XKR9: variants seen among roughly 807,000 people sequenced by gnomAD.
XKR9 encodes the protein XK related 9.
XKR9 carries 32 observed loss-of-function variants against 32.0 expected under a neutral mutation model. That is an observed-to-expected ratio of 1.00 (90% CI 0.76 to 1.34). The LOEUF (loss-of-function observed/expected upper bound fraction) is 1.34, where lower values mean the gene tolerates loss of function less well. XKR9 is among the 40% of genes most tolerant of loss of function. The probability of loss-of-function intolerance (pLI) is 0.00; values close to 1 mark genes in which losing one functional copy is unlikely to be tolerated. For synonymous variants in XKR9, 168 were observed against 143.4 expected (o/e 1.17, Z -1.22); for missense variants, 546 against 429.7 (o/e 1.27, Z -2.39).
intron 2 of XKR9, among the ~76,000 whole-genome samples, chr8:70,766,038 G>A (rs1403104948): frequency 6.6e-6 from 1 of 152,176 alleles, no homozygotes; most frequent in African/African-American, 2.4e-5. Context: ...CAGGTAGTGT[G>A]ATGCCTCCAG....
At chr8:70,759,213 A>G (rs1807271607) in intron 2 of XKR9, among the ~76,000 whole-genome samples, 1 of 152,210 alleles carries the variant, frequency 6.6e-6, no homozygotes, top group African/African-American at 2.4e-5. Flanking sequence ...GTAGAAAAGA[A>G]TGCAAGCTTT....
the XKR9 span, among the ~76,000 whole-genome samples, chr8:70,937,104 A>G: frequency 9.9e-5 from 15 of 151,866 alleles, no homozygotes; most frequent in African/African-American, 3.6e-4. Context: ...GCACACATAC[A>G]CACACCCCAC....
chr8:70,895,121 G>A, the XKR9 span, among the ~76,000 whole-genome samples: 1 of 152,114 alleles, frequency 6.6e-6, no homozygotes, highest in Non-Finnish European at 1.5e-5. Flanking sequence ...TTCTCTAGGT[G>A]TCCAATGTGT....
At chr8:70,714,843 T>C (rs926231982) in intron 4 of XKR9, among the ~76,000 whole-genome samples, 5 of 152,176 alleles carry the variant, frequency 3.3e-5, no homozygotes, top group Admixed American at 2.6e-4. Context: ...TGAAAATCTC[T>C]GAATTAATAA....
At chr8:70,956,857 G>A in the XKR9 span, among the ~76,000 whole-genome samples, 4 of 152,200 alleles carry the variant, frequency 2.6e-5, no homozygotes, top group African/African-American at 7.2e-5. Context: ...TGCAGGGTCA[G>A]GGGGCTTCTA....
At chr8:70,688,786 A>G (rs1819407193) in intron 3 of XKR9, among the ~76,000 whole-genome samples, 1 of 152,034 alleles carries the variant, frequency 6.6e-6, no homozygotes, top group Non-Finnish European at 1.5e-5. Flanking sequence ...TGAAAACAGT[A>G]AAAACTTTGT....
the XKR9 span, among the ~76,000 whole-genome samples, chr8:70,886,980 A>T: frequency 6.6e-6 from 1 of 152,034 alleles, no homozygotes; most frequent in Non-Finnish European, 1.5e-5. Flanking sequence ...TTCTTTACCT[A>T]GTCAGCTCTC....
the XKR9 span, among the ~76,000 whole-genome samples, chr8:71,065,498 T>C: frequency 6.6e-6 from 1 of 152,230 alleles, no homozygotes. Context: ...ATGTGTTGTT[T>C]AAGCCACCCA....
At chr8:70,768,084 T>C (rs1443070651) in intron 2 of XKR9, among the ~76,000 whole-genome samples, 2 of 152,228 alleles carry the variant, frequency 1.3e-5, no homozygotes, top group Non-Finnish European at 2.9e-5. Context: ...CACTAAACAC[T>C]GCTTTAGCTG....
At chr8:71,057,837 G>A in the XKR9 span, among the ~76,000 whole-genome samples, 4 of 152,072 alleles carry the variant, frequency 2.6e-5, no homozygotes, top group South Asian at 2.1e-4. Flanking sequence ...AGAATGATCT[G>A]GTCATGCCCA....
intron 2 of XKR9, among the ~76,000 whole-genome samples, chr8:70,756,103 C>G (rs1267943170): frequency 1.3e-5 from 2 of 152,048 alleles, no homozygotes; most frequent in Non-Finnish European, 2.9e-5. Context: ...CCAGTTACCC[C>G]CGTACCATTT....
the XKR9 span, among the ~76,000 whole-genome samples, chr8:70,886,712 A>T: frequency 1.3e-5 from 2 of 150,718 alleles, no homozygotes; most frequent in East Asian, 3.9e-4. Flanking sequence ...GTCTGTTCAT[A>T]TCCTTCACCC....
the XKR9 span, among the ~76,000 whole-genome samples, chr8:71,005,087 G>A: frequency 7.4e-3 from 1,000 of 135,552 alleles, 3 homozygotes; most frequent in Non-Finnish European, 0.01. Context: ...CACCTTGGCC[G>A]CCCAAAGTGC....
the XKR9 span, among the ~76,000 whole-genome samples, chr8:70,986,110 A>G: frequency 6.6e-6 from 1 of 152,226 alleles, no homozygotes; most frequent in South Asian, 2.1e-4. Context: ...AAAAGTGAAC[A>G]TGTGTTAAGT....
chr8:70,945,776 G>T, the XKR9 span, among the ~76,000 whole-genome samples: 1 of 152,174 alleles, frequency 6.6e-6, no homozygotes, highest in African/African-American at 2.4e-5. Flanking sequence ...CTGATTTGGT[G>T]TTAACTATTA....
intron 2 of XKR9, among the ~76,000 whole-genome samples, chr8:70,769,276 C>T (rs1405161302): frequency 1.4e-5 from 2 of 147,186 alleles, no homozygotes; most frequent in East Asian, 4.0e-4. Flanking sequence ...CCACTGTCTT[C>T]TGGCTTGTAG....
the XKR9 span, among the ~76,000 whole-genome samples, chr8:70,987,994 C>T: frequency 6.8e-6 from 1 of 146,956 alleles, no homozygotes; most frequent in African/African-American, 2.7e-5. Flanking sequence ...TCTACGTTGG[C>T]CCCTTTCAGC....
At chr8:70,770,026 T>C (rs953424051) in intron 2 of XKR9, among the ~76,000 whole-genome samples, 1 of 152,080 alleles carries the variant, frequency 6.6e-6, no homozygotes, top group Non-Finnish European at 1.5e-5. Flanking sequence ...TGCATTCTGG[T>C]TTTTGGAATT....
At chr8:71,020,472 T>A in the XKR9 span, among the ~76,000 whole-genome samples, 1 of 152,234 alleles carries the variant, frequency 6.6e-6, no homozygotes, top group African/African-American at 2.4e-5. Context: ...TGTACTGTGA[T>A]GACAATTCCG....
Sources: allele counts gnomAD v4.1 joint callset (sites outside exome capture counted in the v4.1 genomes callset), GRCh38; gene constraint gnomAD v4.1.1; transcripts MANE v1.5; gene names NCBI Gene and HGNC (gene_info 2026-07-23, HGNC 2026-07-21).